The following ITCH variants were observed in gnomAD, a reference collection of about 807,000 sequenced individuals.
The protein encoded by ITCH is E3 ubiquitin-protein ligase Itchy homolog.
ITCH carries 28 observed loss-of-function variants against 126.8 expected under a neutral mutation model. The ratio of observed to expected loss-of-function variants is 0.22; its 90% confidence interval spans 0.16 to 0.30. ITCH has a LOEUF of 0.30. ITCH is among the 10% of genes least tolerant of loss of function. The pLI, the probability that ITCH is intolerant of heterozygous loss-of-function variation, is 1.00. For synonymous variants in ITCH, 342 were observed against 340.0 expected, an observed-to-expected ratio of 1.01 and a Z score of -0.06; for missense variants, 631 against 1,032.4, an observed-to-expected ratio of 0.61 and a Z score of 5.33.
In ITCH at chr20:34,510,268, A is replaced by G. The variant is rs1418650425; in HGVS notation, c.*2474A>G. 3.9e-5 allele frequency: 6 copies of G among 152,590 alleles called. No individual in the cohort carries two copies. The highest frequency in any genetic ancestry group is 3.9e-4 in the Admixed American group (6 of 15,268). The allele number at this position is 152,590 out of a possible 1,614,324, so 9.5% of individuals were successfully genotyped here. A position where few individuals can be genotyped will look rare whatever the true frequency, so the allele number is the denominator to read the frequency against. ...CAGAGGTTATATAAAAATACTGCAA[A>G]TAGACCGCAGACATAAATATCTACC... On this transcript the variant is annotated 3_prime_UTR_variant, in exon 25 of 25. Coordinates refer to ENST00000374864, the MANE Select transcript of ITCH (RefSeq NM_031483.7).
intron 12 of ITCH, among the ~76,000 whole-genome samples, chr20:34,455,194 T>C (rs1418026786): frequency 1.3e-5 from 2 of 152,214 alleles, no homozygotes; most frequent in Non-Finnish European, 2.9e-5. Flanking sequence ...TGGATTAAAC[T>C]TAAATTTTTG....
chr20:34,371,900 T>G (rs2037645449), intron 2 of ITCH, among the ~76,000 whole-genome samples: 2 of 152,320 alleles, frequency 1.3e-5, no homozygotes, highest in Admixed American at 1.3e-4. Flanking sequence ...GAATATGATT[T>G]CTCAGGTTCT....
intron 2 of ITCH, among the ~76,000 whole-genome samples, chr20:34,373,279 A>AT (rs540547732): frequency 0.037 from 4,752 of 126,764 alleles, 118 homozygotes; most frequent in African/African-American, 0.075. Flanking sequence ...GGCCAAATGT[A>AT]TTTTTTTTTT....
intron 6 of ITCH, among the ~76,000 whole-genome samples, chr20:34,420,773 T>C (rs528641671): frequency 6.6e-6 from 1 of 152,334 alleles, no homozygotes; most frequent in East Asian, 1.9e-4. Flanking sequence ...TTTGTTTTCA[T>C]TTGCGTTTGT....
rs1249828109 is a variant in ITCH, at chr20:34,507,809, C to G, written c.*15C>G. 5.1e-6 allele frequency: 8 copies of G among 1,581,250 alleles called. No homozygotes were observed. Among genetic ancestry groups the G allele is most frequent in the Admixed American group, 3.3e-5 (2 of 59,970 alleles). On this transcript the variant is annotated 3_prime_UTR_variant, in exon 25 of 25. Transcript: ENST00000374864. ...GACAAGAGTAACTTCTGAGAACTTG[C>G]ACCATGAATGGGCAAGAACTTATTT...
chr20:34,387,556 A>G (rs2038330059), intron 2 of ITCH, among the ~76,000 whole-genome samples: 1 of 150,686 alleles, frequency 6.6e-6, no homozygotes, highest in Non-Finnish European at 1.5e-5. Flanking sequence ...GTTTCAGCCC[A>G]GGTGGTTGAG....
chr20:34,465,417 A>C (rs1986958916), intron 14 of ITCH, among the ~76,000 whole-genome samples: 1 of 152,012 alleles, frequency 6.6e-6, no homozygotes, highest in Non-Finnish European at 1.5e-5. Flanking sequence ...TGAAAAAAAG[A>C]AGTCATTTGG....
intron 6 of ITCH, chr20:34,417,117 A>C: frequency 1.5e-6 from 1 of 648,198 alleles, no homozygotes; most frequent in Non-Finnish European, 2.8e-6. Context: ...TTTTTTTTAG[A>C]TGGGGTTTCG....
chr20:34,497,613 C>T (rs1600499842), intron 23 of ITCH, among the ~76,000 whole-genome samples: 1 of 152,178 alleles, frequency 6.6e-6, no homozygotes, highest in African/African-American at 2.4e-5. Flanking sequence ...ATGTATCACT[C>T]TGTCACCCAG....
chr20:34,485,837 T>C (rs970650460), intron 20 of ITCH, among the ~76,000 whole-genome samples: 6 of 152,154 alleles, frequency 3.9e-5, no homozygotes, highest in Non-Finnish European at 8.8e-5. Flanking sequence ...CACAAGCCAC[T>C]GTGCCCAGCA....
chr20:34,380,784 G>A (rs898568534), intron 2 of ITCH, among the ~76,000 whole-genome samples: 3 of 151,454 alleles, frequency 2.0e-5, no homozygotes, highest in Non-Finnish European at 4.4e-5. Context: ...TAGAAACTTT[G>A]ACCCTTTTTT....
intron 2 of ITCH, among the ~76,000 whole-genome samples, chr20:34,378,439 C>T (rs763994524): frequency 2.3e-5 from 3 of 129,898 alleles, no homozygotes; most frequent in Non-Finnish European, 4.6e-5. Context: ...CGCCATTGTA[C>T]TCCAGCCTGG....
intron 8 of ITCH, among the ~76,000 whole-genome samples, chr20:34,439,893 C>T (rs1162598543): frequency 6.6e-6 from 1 of 152,084 alleles, no homozygotes; most frequent in African/African-American, 2.4e-5. Flanking sequence ...TTTCCAGTGA[C>T]ATCAGAAGAT....
At chr20:34,396,161 G>A (rs538852552) in intron 3 of ITCH, among the ~76,000 whole-genome samples, 2 of 151,714 alleles carry the variant, frequency 1.3e-5, no homozygotes, top group African/African-American at 2.4e-5. Context: ...AGTCTTCTGA[G>A]TAGCTGGGAC....
intron 23 of ITCH, among the ~76,000 whole-genome samples, chr20:34,501,730 G>A (rs1194035627): frequency 2.1e-5 from 3 of 144,704 alleles, no homozygotes; most frequent in Non-Finnish European, 4.5e-5. Flanking sequence ...AGCCAAGATC[G>A]TACCATTGCA....
At chr20:34,405,333 C>T (rs1021823679) in intron 3 of ITCH, among the ~76,000 whole-genome samples, 10 of 151,940 alleles carry the variant, frequency 6.6e-5, no homozygotes, top group African/African-American at 2.2e-4. Flanking sequence ...GGTGAAACCC[C>T]GTTTCTACTA....
intron 14 of ITCH, among the ~76,000 whole-genome samples, chr20:34,468,293 C>T (rs574428407): frequency 5.9e-4 from 90 of 151,772 alleles, no homozygotes; most frequent in African/African-American, 2.0e-3. Flanking sequence ...CTTGGCCTCC[C>T]AAAGTGCTGG....
intron 17 of ITCH, 110 bp downstream of exon 17, chr20:34,477,970 T>A: frequency 1.4e-6 from 2 of 1,386,482 alleles, no homozygotes; most frequent in Non-Finnish European, 2.0e-6. Context: ...AAATGAAATA[T>A]GTCAAATTAT....
At chr20:34,396,394 C>T (rs957578242) in intron 3 of ITCH, among the ~76,000 whole-genome samples, 14 of 151,960 alleles carry the variant, frequency 9.2e-5, no homozygotes, top group South Asian at 2.1e-4. Flanking sequence ...ATGAGGATTC[C>T]GATTTCTCTA....
Sources: allele counts gnomAD v4.1 joint callset (sites outside exome capture counted in the v4.1 genomes callset), GRCh38; gene constraint gnomAD v4.1.1; transcripts MANE v1.5; gene names NCBI Gene and HGNC (gene_info 2026-07-23, HGNC 2026-07-21).